The following RPS6KC1 variants were observed in gnomAD, a reference collection of about 807,000 sequenced individuals.
The protein encoded by RPS6KC1 is inactive ribosomal protein S6 kinase delta-1.
In RPS6KC1, 54 loss-of-function variants were observed where a neutral mutation model predicts 103.8. The ratio of observed to expected loss-of-function variants is 0.52; its 90% CI spans 0.42 to 0.65. RPS6KC1 has a LOEUF of 0.65. Ranked by LOEUF, RPS6KC1 falls within the 30% of genes least tolerant of loss-of-function variation. RPS6KC1 has a pLI of 0.00. For synonymous variants in RPS6KC1, 439 were observed against 438.7 expected (o/e 1.00, Z -0.01); for missense variants, 1,151 against 1,253.8 (o/e 0.92, Z 1.24).
chr1:213,451,226 G>C, the RPS6KC1 span, among the ~76,000 whole-genome samples: 2 of 152,166 alleles, frequency 1.3e-5, no homozygotes, highest in East Asian at 3.8e-4. Flanking sequence ...ACTAAATATA[G>C]TGTTATTTAA....
At chr1:213,605,853 G>A in the RPS6KC1 span, among the ~76,000 whole-genome samples, 68,193 of 151,920 alleles carry the variant, frequency 0.45, 15,656 homozygotes, top group Admixed American at 0.57. Flanking sequence ...CCAAGGTTAC[G>A]CCAGAGGACA....
the RPS6KC1 span, among the ~76,000 whole-genome samples, chr1:213,532,265 T>G: frequency 1.3e-5 from 2 of 152,122 alleles, no homozygotes; most frequent in East Asian, 3.9e-4. Flanking sequence ...GTGCATAAAG[T>G]GATGGTGGTG....
chr1:213,423,542 C>T, the RPS6KC1 span, among the ~76,000 whole-genome samples: 10 of 152,106 alleles, frequency 6.6e-5, no homozygotes, highest in South Asian at 2.1e-4. Context: ...GTGAGGATGT[C>T]GACTGCAAAT....
intron 3 of RPS6KC1, among the ~76,000 whole-genome samples, chr1:213,089,430 AACT>A (rs1174289616): frequency 5.3e-5 from 8 of 149,920 alleles, no homozygotes; most frequent in African/African-American, 2.0e-4. Context: ...TTCCCATTGC[AACT>A]ACTACCTCTT....
chr1:213,467,889 A>G, the RPS6KC1 span, among the ~76,000 whole-genome samples: 13 of 152,232 alleles, frequency 8.5e-5, no homozygotes, highest in Non-Finnish European at 4.4e-5. Context: ...TGGTGTGAAC[A>G]TATCATTGCT....
chr1:213,776,565 G>C, the RPS6KC1 span, among the ~76,000 whole-genome samples: 669 of 152,248 alleles, frequency 4.4e-3, 8 homozygotes, highest in Non-Finnish European at 6.2e-3. Context: ...TATTATCCAC[G>C]TTTTCACTGT....
At chr1:213,586,038 C>G in the RPS6KC1 span, among the ~76,000 whole-genome samples, 3 of 152,246 alleles carry the variant, frequency 2.0e-5, no homozygotes, top group Non-Finnish European at 4.4e-5. Flanking sequence ...ACAGTCACAT[C>G]TGGCCTCTCC....
the RPS6KC1 span, among the ~76,000 whole-genome samples, chr1:213,488,576 C>G: frequency 9.0e-4 from 137 of 152,250 alleles, no homozygotes; most frequent in African/African-American, 3.0e-3. Context: ...AATAAAAGAC[C>G]CAAATGTCCT....
the RPS6KC1 span, among the ~76,000 whole-genome samples, chr1:213,518,892 T>C: frequency 6.6e-6 from 1 of 152,170 alleles, no homozygotes; most frequent in African/African-American, 2.4e-5. Context: ...TAGGAAAAGA[T>C]GATTGTAGGT....
chr1:213,455,871 AATT>A, the RPS6KC1 span, among the ~76,000 whole-genome samples: 1 of 152,180 alleles, frequency 6.6e-6, no homozygotes, highest in Non-Finnish European at 1.5e-5. Context: ...TAGACCAGAA[AATT>A]ATGACAGACA....
chr1:213,381,125 T>C, the RPS6KC1 span, among the ~76,000 whole-genome samples: 1 of 152,280 alleles, frequency 6.6e-6, no homozygotes, highest in East Asian at 1.9e-4. Flanking sequence ...TGGGTTCTTG[T>C]GGGACTGGGA....
chr1:213,376,134 A>C, the RPS6KC1 span, among the ~76,000 whole-genome samples: 1 of 148,432 alleles, frequency 6.7e-6, no homozygotes, highest in Admixed American at 6.7e-5. Context: ...GTGTGTGTAA[A>C]GTTTCCAGAA....
the RPS6KC1 span, among the ~76,000 whole-genome samples, chr1:213,462,164 T>C: frequency 6.6e-6 from 1 of 152,108 alleles, no homozygotes; most frequent in East Asian, 1.9e-4. Flanking sequence ...AAAAAGCTCA[T>C]CATCACTTGT....
the RPS6KC1 span, among the ~76,000 whole-genome samples, chr1:213,367,345 C>T: frequency 6.6e-6 from 1 of 152,184 alleles, no homozygotes; most frequent in African/African-American, 2.4e-5. Context: ...CCCATCCTGA[C>T]TAGTGCAGAG....
At chr1:213,794,590 C>T in the RPS6KC1 span, 1 of 152,152 alleles carries the variant, frequency 6.6e-6, no homozygotes, top group Non-Finnish European at 1.5e-5. Context: ...AAAAATCACT[C>T]CATTTGCATG....
chr1:213,582,810 G>C, the RPS6KC1 span, among the ~76,000 whole-genome samples: 2 of 152,166 alleles, frequency 1.3e-5, no homozygotes, highest in African/African-American at 4.8e-5. Context: ...TAAATGCACT[G>C]TTTGATGGGT....
chr1:213,618,197 G>C, the RPS6KC1 span, among the ~76,000 whole-genome samples: 3 of 152,004 alleles, frequency 2.0e-5, no homozygotes, highest in Non-Finnish European at 4.4e-5. Flanking sequence ...TAAACTAGAG[G>C]ATAGGAAAAA....
the RPS6KC1 span, among the ~76,000 whole-genome samples, chr1:213,339,488 C>A: frequency 0.038 from 5,783 of 152,198 alleles, 368 homozygotes; most frequent in African/African-American, 0.13. Flanking sequence ...TTGCTTTAAG[C>A]AACTGGGTTT....
chr1:213,366,405 C>A, the RPS6KC1 span, among the ~76,000 whole-genome samples: 3 of 152,206 alleles, frequency 2.0e-5, no homozygotes, highest in Non-Finnish European at 2.9e-5. Flanking sequence ...CCTTTCTCGG[C>A]CCCATAGCAG....
Sources: allele counts gnomAD v4.1 joint callset (sites outside exome capture counted in the v4.1 genomes callset), GRCh38; gene constraint gnomAD v4.1.1; transcripts MANE v1.5; gene names NCBI Gene and HGNC (gene_info 2026-07-23, HGNC 2026-07-21).